Variants in IL34 observed in about 807,000 individuals in gnomAD.
IL34 encodes interleukin 34, also known as interleukin-34.
IL34 carries 17 observed loss-of-function variants against 25.3 expected under a neutral mutation model. The ratio of observed to expected loss-of-function variants is 0.67; its 90% CI spans 0.46 to 1.01. IL34 has a LOEUF of 1.01. Ranked by LOEUF, IL34 falls within the 50% of genes least tolerant of loss-of-function variation. The pLI, the probability that IL34 is intolerant of heterozygous loss-of-function variation, is 0.00. For missense variants in IL34, 368 were observed against 312.9 expected, an observed-to-expected ratio of 1.18 and a Z score of -1.33; for synonymous variants, 174 against 140.9, an observed-to-expected ratio of 1.23 and a Z score of -1.66.
chr16:70,620,336 G>A (rs553588705), intron 1 of IL34, among the ~76,000 whole-genome samples: 1 of 152,256 alleles, frequency 6.6e-6, no homozygotes, highest in East Asian at 1.9e-4. Flanking sequence ...CATTCACCTT[G>A]ACTATGCCTT....
chr16:70,608,387 C>T (rs754043955), intron 1 of IL34, among the ~76,000 whole-genome samples: 1 of 152,098 alleles, frequency 6.6e-6, no homozygotes, highest in Non-Finnish European at 1.5e-5. Flanking sequence ...CCTTGGCCTC[C>T]CAAAGTGCTG....
At chr16:70,619,071 G>A (rs1034682141) in intron 1 of IL34, among the ~76,000 whole-genome samples, 8 of 152,202 alleles carry the variant, frequency 5.3e-5, no homozygotes, top group Admixed American at 4.6e-4. Context: ...CATAGATCCT[G>A]AACTAACTTG....
At chr16:70,634,993 T>C (rs2051610312) in intron 1 of IL34, among the ~76,000 whole-genome samples, 1 of 152,174 alleles carries the variant, frequency 6.6e-6, no homozygotes, top group African/African-American at 2.4e-5. Context: ...TTGGCAGATA[T>C]TTGGATGGTT....
At chr16:70,635,141 T>C (rs1376231582) in intron 1 of IL34, among the ~76,000 whole-genome samples, 1 of 152,112 alleles carries the variant, frequency 6.6e-6, no homozygotes, top group Non-Finnish European at 1.5e-5. Context: ...AGAGTCTAGG[T>C]ATGTGTTTAA....
chr16:70,603,994 T>C (rs1441947674), intron 1 of IL34, among the ~76,000 whole-genome samples: 1 of 152,226 alleles, frequency 6.6e-6, no homozygotes, highest in Non-Finnish European at 1.5e-5. Context: ...CCTGCCTGCA[T>C]TAATTGCTTT....
intron 1 of IL34, among the ~76,000 whole-genome samples, chr16:70,588,383 A>G (rs2050717511): frequency 1.3e-5 from 2 of 151,916 alleles, no homozygotes; most frequent in African/African-American, 4.8e-5. Flanking sequence ...AATCCCAGTT[A>G]CTCGGGAGGC....
chr16:70,646,147 C>G (rs958066530), upstream of IL34, among the ~76,000 whole-genome samples: 9 of 152,036 alleles, frequency 5.9e-5, no homozygotes, highest in Non-Finnish European at 1.0e-4. Context: ...TGGGCTCACG[C>G]AATCCTCCCA....
At chr16:70,615,145 A>G (rs1285357657) in intron 1 of IL34, among the ~76,000 whole-genome samples, 1 of 152,172 alleles carries the variant, frequency 6.6e-6, no homozygotes, top group Non-Finnish European at 1.5e-5. Context: ...CATTTTTGCA[A>G]CTTATTTTAC....
At chr16:70,590,815 C>T (rs1274716188) in intron 1 of IL34, among the ~76,000 whole-genome samples, 6 of 152,306 alleles carry the variant, frequency 3.9e-5, no homozygotes, top group South Asian at 2.1e-4. Context: ...CTCCCAAACC[C>T]GTCCCCCCGC....
chr16:70,597,346 A>T (rs1459960723), intron 1 of IL34, among the ~76,000 whole-genome samples: 1 of 151,488 alleles, frequency 6.6e-6, no homozygotes, highest in Non-Finnish European at 1.5e-5. Flanking sequence ...TCAGCCTCCC[A>T]TGTAGCTGGG....
chr16:70,647,550 C>T (rs1197715304), intron 1 of IL34, among the ~76,000 whole-genome samples: 1 of 152,260 alleles, frequency 6.6e-6, no homozygotes, highest in Non-Finnish European at 1.5e-5. Context: ...TGCCTGCTGG[C>T]TGGGAGGCCA....
chr16:70,584,739 C>A (rs936617087), intron 1 of IL34, among the ~76,000 whole-genome samples: 4 of 151,628 alleles, frequency 2.6e-5, no homozygotes, highest in Middle Eastern at 3.4e-3. Flanking sequence ...CTTGGTCTGT[C>A]AGCGAAGCTA....
chr16:70,623,835 C>T (rs532913192), intron 1 of IL34, among the ~76,000 whole-genome samples: 4 of 150,820 alleles, frequency 2.7e-5, no homozygotes, highest in Admixed American at 6.6e-5. Context: ...AAGTTGGCAC[C>T]AGAGTTGGGG....
intron 1 of IL34, among the ~76,000 whole-genome samples, chr16:70,612,785 CAT>C (rs1487808259): frequency 6.6e-6 from 1 of 152,142 alleles, no homozygotes; most frequent in East Asian, 1.9e-4. Context: ...AATTAGAACA[CAT>C]GTTTTTTGTT....
In IL34 at chr16:70,656,125, T is replaced by G. The variant is rs574758362; in HGVS notation, c.163-477T>G. ...ACTGTGTATTTTGTTTCACCCACCC[T>G]GAGTCCCAGAGGAAAGTGAAGTGTT... On this transcript the variant is annotated intron_variant, in intron 2 of 5. Transcript: ENST00000288098. Among the ~76,000 whole-genome samples the G allele has an allele frequency of 4.6e-5, 7 of 152,294 alleles. 1 individual carries two copies. The South Asian group carries it at 1.5e-3, about 32-fold the overall frequency.
chr16:70,642,931 G>T (rs150550558), upstream of IL34, among the ~76,000 whole-genome samples: 185 of 152,220 alleles, frequency 1.2e-3, 1 homozygote, highest in African/African-American at 4.3e-3. Context: ...GAGGGAATAG[G>T]GGGTGACTGC....
intron 1 of IL34, among the ~76,000 whole-genome samples, chr16:70,593,905 G>C (rs979204086): frequency 1.3e-4 from 20 of 152,054 alleles, no homozygotes; most frequent in African/African-American, 4.3e-4. Context: ...TTTTTCCATT[G>C]AATTGCCTTT....
At chr16:70,637,680 G>A (rs2151858446) in intron 1 of IL34, among the ~76,000 whole-genome samples, 1 of 152,254 alleles carries the variant, frequency 6.6e-6, no homozygotes, top group African/African-American at 2.4e-5. Context: ...GATAAGGGTT[G>A]AGTTTAATTT....
chr16:70,586,479 C>CTGCAGTGAACCATGTTCA (rs2050695895), intron 1 of IL34, among the ~76,000 whole-genome samples: 1 of 152,102 alleles, frequency 6.6e-6, no homozygotes, highest in Non-Finnish European at 1.5e-5. Flanking sequence ...TTGCTTGAGC[C>CTGCAGTGAACCATGTTCA]CTGGAGGTTG....
Sources: gnomAD v4.1 joint callset for allele counts (sites outside exome capture counted in the v4.1 genomes callset) on GRCh38, gnomAD v4.1.1 for gene constraint, MANE v1.5 for transcripts, NCBI Gene and HGNC (gene_info 2026-07-23, HGNC 2026-07-21) for gene names.